The following DYRK1A variants were observed in gnomAD, a reference collection of about 807,000 sequenced individuals.
DYRK1A encodes dual specificity tyrosine phosphorylation regulated kinase 1A, also known as dual specificity tyrosine-phosphorylation-regulated kinase 1A.
In DYRK1A, 9 loss-of-function variants were observed where a neutral mutation model predicts 79.7. The observed-to-expected ratio is 0.11, with a 90% CI of 0.07 to 0.20. The LOEUF (loss-of-function observed/expected upper bound fraction) is 0.20, where lower values mean the gene tolerates loss of function less well. Ranked by LOEUF, DYRK1A falls within the 10% of genes least tolerant of loss-of-function variation. The pLI, the probability that DYRK1A is intolerant of heterozygous loss-of-function variation, is 1.00. For synonymous variants in DYRK1A, 349 were observed against 329.7 expected (o/e 1.06, Z -0.63); for missense variants, 622 against 956.0 (o/e 0.65, Z 4.61).
At chr21:37,398,142 A>G (rs944681273) in intron 1 of DYRK1A, among the ~76,000 whole-genome samples, 2 of 148,578 alleles carry the variant, frequency 1.3e-5, no homozygotes, top group Non-Finnish European at 3.0e-5. Flanking sequence ...GTATATATAT[A>G]TATTTTTTTA....
intron 1 of DYRK1A, among the ~76,000 whole-genome samples, chr21:37,411,189 T>C (rs1276205695): frequency 6.6e-6 from 1 of 151,308 alleles, no homozygotes; most frequent in Non-Finnish European, 1.5e-5. Context: ...ACCCTGTCTC[T>C]ACTAAAAATA....
rs1041156561 is a variant in DYRK1A, at chr21:37,522,687, T to C, written c.*10156T>C. ...TGAATTTGGAGATGTTGAACAGGTT[T>C]CTCTCCGACAATCGTCTCGTTTAAT... is the stretch of plus-strand genomic sequence containing the variant. On this transcript the variant is annotated 3_prime_UTR_variant, in exon 12 of 12. Transcript: ENST00000647188. The C allele has an allele frequency of 6.6e-6, 1 of 152,252 alleles. No homozygotes were observed. Among genetic ancestry groups the C allele is most frequent in the Non-Finnish European group, 1.5e-5 (1 of 68,044 alleles). 9.4% of individuals were successfully genotyped at this position (152,252 alleles called of 1,614,324 possible).
intron 2 of DYRK1A, among the ~76,000 whole-genome samples, chr21:37,443,546 A>C (rs2051173921): frequency 6.6e-6 from 1 of 152,170 alleles, no homozygotes; most frequent in Non-Finnish European, 1.5e-5. Flanking sequence ...GTTACTTAGA[A>C]ATAGTTTGAT....
intron 1 of DYRK1A, among the ~76,000 whole-genome samples, chr21:37,415,022 G>C (rs2050311114): frequency 6.6e-6 from 1 of 152,082 alleles, no homozygotes; most frequent in Non-Finnish European, 1.5e-5. Flanking sequence ...TTCAGTTTTA[G>C]AAATGATGTG....
intron 1 of DYRK1A, among the ~76,000 whole-genome samples, chr21:37,388,683 C>T (rs369744024): frequency 7.4e-5 from 11 of 148,502 alleles, no homozygotes; most frequent in African/African-American, 2.7e-4. Flanking sequence ...CTCGCTCTGT[C>T]GCCCAGGCTG....
At chr21:37,507,071 C>T (rs1271853414) in intron 11 of DYRK1A, among the ~76,000 whole-genome samples, 4 of 74,322 alleles carry the variant, frequency 5.4e-5, no homozygotes, top group Admixed American at 1.2e-4. Context: ...GAAACCTTTG[C>T]CCTCCCCTTC....
rs1324356091 is a variant in DYRK1A at position 37,381,986 on chromosome 21, C to A, written c.-77+14358C>A. ...TAGTTAGAAAATTGAAGCTGTTGAT[C>A]TTGTCAGCTGAATGAGCTTTCTTAA... On this transcript the variant is annotated intron_variant, in intron 1 of 11. Transcript: ENST00000647188. Among the ~76,000 whole-genome samples, 5 of 152,078 alleles carry A rather than the reference C, an allele frequency of 3.3e-5. No individual in the cohort carries two copies. The East Asian group carries it at 9.6e-4, about 29-fold the overall frequency.
Position 37,516,635 on chromosome 21 carries a change from A to G in DYRK1A, c.*4104A>G, listed in dbSNP as rs1297102294. On this transcript the variant is annotated 3_prime_UTR_variant, in exon 12 of 12. Transcript: ENST00000647188. ...TTTGACGTATGCCTGTGTTGAAGGC[A>G]CTGGATGCTTGTTTTGTGGAAGACA... The G allele has an allele frequency of 6.6e-6, 1 of 152,174 alleles. No homozygotes were observed. The highest frequency in any genetic ancestry group is 6.5e-5 in the Admixed American group (1 of 15,276). The allele number at this position is 152,174 out of a possible 1,614,324, so 9.4% of individuals were successfully genotyped here. A position where few individuals can be genotyped will look rare whatever the true frequency, so the allele number is the denominator to read the frequency against.
intron 2 of DYRK1A, among the ~76,000 whole-genome samples, chr21:37,443,434 T>C (rs1270825286): frequency 1.3e-5 from 2 of 152,220 alleles, no homozygotes; most frequent in Admixed American, 1.3e-4. Flanking sequence ...CCTGGACATT[T>C]TTTATTGTGT....
chr21:37,512,805 GTTTT>G lies in DYRK1A; in HGVS notation c.*278_*281del. ...CTTGCCACATCCCAGTCACAGTGGGGTTTTTTTGTCTTTCTATTCAGCAAAAGTT... is the reference window on the plus strand; with the variant it reads ...CTTGCCACATCCCAGTCACAGTGGGGTTTGTCTTTCTATTCAGCAAAAGTT... On this transcript the variant is annotated 3_prime_UTR_variant, in exon 12 of 12. Transcript: ENST00000647188. 2.4e-6 allele frequency: 1 copy of G among 409,190 alleles called. No homozygotes were observed. 25.3% of individuals were successfully genotyped at this position (409,190 alleles called of 1,614,324 possible). A position where few individuals can be genotyped will look rare whatever the true frequency, so the allele number is the denominator to read the frequency against.
chr21:37,378,381 A>C (rs1228722367), intron 1 of DYRK1A, among the ~76,000 whole-genome samples: 2 of 152,142 alleles, frequency 1.3e-5, no homozygotes, highest in African/African-American at 4.8e-5. Flanking sequence ...AAAAATACAA[A>C]ATCAGCCGGG....
intron 2 of DYRK1A, among the ~76,000 whole-genome samples, chr21:37,435,570 C>G (rs1436597599): frequency 6.6e-6 from 1 of 152,140 alleles, no homozygotes; most frequent in African/African-American, 2.4e-5. Context: ...CTTCATAACA[C>G]AAAAGGAAAA....
At chr21:37,423,543 C>T (rs1232550019) in intron 2 of DYRK1A, among the ~76,000 whole-genome samples, 1 of 152,004 alleles carries the variant, frequency 6.6e-6, no homozygotes, top group Admixed American at 6.6e-5. Flanking sequence ...CTGTGTAAAC[C>T]AGCATTTCTT....
intron 1 of DYRK1A, among the ~76,000 whole-genome samples, chr21:37,407,109 A>G (rs776369081): frequency 2.0e-5 from 3 of 152,020 alleles, no homozygotes; most frequent in Non-Finnish European, 4.4e-5. Context: ...ACACAGATAT[A>G]TTTACAAACG....
At chr21:37,391,365 C>T (rs940370039) in intron 1 of DYRK1A, among the ~76,000 whole-genome samples, 3 of 152,192 alleles carry the variant, frequency 2.0e-5, no homozygotes, top group African/African-American at 7.2e-5. Context: ...TCTCCTAAGC[C>T]TGCCACTACT....
At chr21:37,420,464 T>G in intron 2 of DYRK1A, 80 bp downstream of exon 2, 1 of 1,428,148 alleles carries the variant, frequency 7.0e-7, no homozygotes. Flanking sequence ...TGGGGGAGGT[T>G]TCTGATAAAT....
rs1283810217 is a variant in DYRK1A at position 37,520,208 on chromosome 21, C to CA, written c.*7678dup. 5 of 152,182 alleles carry CA rather than the reference C, an allele frequency of 3.3e-5. No homozygotes were observed. Among genetic ancestry groups the CA allele is most frequent in the Non-Finnish European group, 7.3e-5 (5 of 68,058 alleles). The allele number at this position is 152,182 out of a possible 1,614,324, so 9.4% of individuals were successfully genotyped here. ...CATTAGACCCTTGTGATCACGCATC[C>CA]AGGGGCCAGTCCCCACCCTTTGCTC... On this transcript the variant is annotated 3_prime_UTR_variant, in exon 12 of 12. Coordinates refer to ENST00000647188, the MANE Select transcript of DYRK1A (RefSeq NM_001347721.2).
chr21:37,480,012 T>G (rs908283917), intron 4 of DYRK1A, among the ~76,000 whole-genome samples: 1 of 152,150 alleles, frequency 6.6e-6, no homozygotes, highest in Admixed American at 6.5e-5. Flanking sequence ...AGGCCATAGC[T>G]GTTTTTCATT....
At chr21:37,387,394 A>G (rs1357990174) in intron 1 of DYRK1A, among the ~76,000 whole-genome samples, 1 of 152,158 alleles carries the variant, frequency 6.6e-6, no homozygotes, top group Non-Finnish European at 1.5e-5. Context: ...TCCACCTTGT[A>G]TAATCTTGTT....
Sources: gnomAD v4.1 joint callset for allele counts (sites outside exome capture counted in the v4.1 genomes callset) on GRCh38, gnomAD v4.1.1 for gene constraint, MANE v1.5 for transcripts, NCBI Gene and HGNC (gene_info 2026-07-23, HGNC 2026-07-21) for gene names.